CFAP46: variants seen among roughly 807,000 people sequenced by gnomAD.
CFAP46 encodes cilia- and flagella-associated protein 46.
A neutral mutation model predicts 325.7 loss-of-function variants in CFAP46; 245 were observed. That is an observed-to-expected ratio of 0.75 (90% CI 0.68 to 0.84). The LOEUF (loss-of-function observed/expected upper bound fraction) is 0.84. Ranked by LOEUF, CFAP46 falls within the 40% of genes least tolerant of loss-of-function variation. CFAP46 has a pLI of 0.00. For synonymous variants in CFAP46, 1,523 were observed against 1,495.9 expected, an observed-to-expected ratio of 1.02 and a Z score of -0.42; for missense variants, 3,346 against 3,543.0, an observed-to-expected ratio of 0.94 and a Z score of 1.41.
Position 132,836,887 on chromosome 10 carries a change from G to C in CFAP46, c.6466C>G (p.Gln2156Glu). Residue 2156 changes from glutamine to glutamate, a missense_variant, in exon 45 of 58, where the codon CAG becomes GAG. Transcript: ENST00000368586. ...KAWQNLCVTEQHFNLLNEMPP... is the reference protein window; with the variant it reads ...KAWQNLCVTEEHFNLLNEMPP... ...ATCTCATTCAAGAGGTTAAAATGCT[G>C]CTCAGTGACGCAGAGATTTTGCCAA... 6.2e-7 allele frequency: 1 copy of C among 1,613,922 alleles called. No homozygotes were observed. Among genetic ancestry groups the C allele is most frequent in the African/African-American group, 1.3e-5 (1 of 75,080 alleles).
At position 132,886,876 on chromosome 10, in the gene CFAP46, G is replaced by A. The variant is rs375668093; in HGVS notation, c.3305-917C>T. On this transcript the variant is annotated intron_variant, in intron 25 of 57. Transcript: ENST00000368586. This position sits in a 1 kb window ranked among gnomAD's most constrained non-coding sequence, Gnocchi z 5.8. Reference sequence around the variant, plus strand: ...GCCATGGCGACTAGAATGCTGACGCGTCCCCTCCCCGTCATGGGCGCTGCC... The same window carrying A: ...GCCATGGCGACTAGAATGCTGACGCATCCCCTCCCCGTCATGGGCGCTGCC... Among the ~76,000 whole-genome samples, 5 of 152,034 alleles carry A rather than the reference G, an allele frequency of 3.3e-5. No homozygotes were observed. In the South Asian group the frequency reaches 1.0e-3, roughly 32 times the overall value.
chr10:132,905,666 G>T (rs991672428), intron 22 of CFAP46, among the ~76,000 whole-genome samples: 2 of 152,190 alleles, frequency 1.3e-5, no homozygotes, highest in Non-Finnish European at 2.9e-5. Flanking sequence ...GCTTCAAGTG[G>T]TGGCTGCTGA....
chr10:132,875,980 G>A (rs892765619), intron 31 of CFAP46, among the ~76,000 whole-genome samples: 1 of 152,242 alleles, frequency 6.6e-6, no homozygotes, highest in Non-Finnish European at 1.5e-5. Context: ...GGCTGCTCAT[G>A]TGATTTTCCA....
In CFAP46 at chr10:132,908,557, G is replaced by A. The variant is rs1258363431; in HGVS notation, c.2835C>T (p.Phe945=). The A allele has an allele frequency of 7.7e-6, 12 of 1,550,324 alleles. No individual in the cohort carries two copies. Among genetic ancestry groups the A allele is most frequent in the Middle Eastern group, 1.7e-4 (1 of 6,012 alleles). Residue 945 remains phenylalanine (F), a synonymous_variant, in exon 22 of 58, where the codon TTC becomes TTT. Coordinates refer to ENST00000368586, the MANE Select transcript of CFAP46 (RefSeq NM_001200049.3). ...TCTCATGGTCACGCGCTGCATGGGC[G>A]AAGTGGGTCAGCCGCGTCAGGGTCT... ...ELQTLTRLTH[F]AHAARDHETT...
intron 38 of CFAP46, among the ~76,000 whole-genome samples, chr10:132,858,015 G>T (rs1334389282): frequency 6.6e-6 from 1 of 152,238 alleles, no homozygotes; most frequent in African/African-American, 2.4e-5. Flanking sequence ...GCTTGAAGGA[G>T]ATTTGCTGAA....
Position 132,808,810 on chromosome 10 carries a change from C to T in CFAP46, c.7759G>A (p.Ala2587Thr), listed in dbSNP as rs968073809. The change falls in exon 58 of 58, where the codon GCA becomes ACA. Residue 2587 changes from alanine (A) to threonine (T), a missense_variant. Transcript: ENST00000368586. The surrounding 1 kb of genome is among the most constrained non-coding windows in gnomAD (Gnocchi z 6.8). Reference protein sequence around the residue: ...HAQLGPVWAAAPSHRVVQAWT... With the variant: ...HAQLGPVWAATPSHRVVQAWT... ...GCCTGCACTACCCGATGGCTTGGTG[C>T]GGCAGCCCATACAGGACCAAGTTGA... 6.8e-6 allele frequency: 11 copies of T among 1,607,426 alleles called. No individual in the cohort carries two copies. Among genetic ancestry groups the T allele is most frequent in the East Asian group, 2.2e-5 (1 of 44,676 alleles).
chr10:132,885,573 A>G, intron 26 of CFAP46, among the ~76,000 whole-genome samples: 1 of 147,920 alleles, frequency 6.8e-6, no homozygotes, highest in Non-Finnish European at 1.5e-5. Flanking sequence ...AGAGGGGGAC[A>G]GCGTGGAGCA....
intron 31 of CFAP46, among the ~76,000 whole-genome samples, chr10:132,875,367 T>C (rs1309613899): frequency 6.6e-6 from 1 of 152,228 alleles, no homozygotes; most frequent in African/African-American, 2.4e-5. Context: ...CTACCAGGGT[T>C]TGTGATGGGT....
At chr10:132,862,759 G>A (rs1367086455) in intron 35 of CFAP46, among the ~76,000 whole-genome samples, 2 of 148,950 alleles carry the variant, frequency 1.3e-5, no homozygotes, top group Admixed American at 1.3e-4. Context: ...AGGGCAGAGC[G>A]CACTCCCATC....
chr10:132,921,799 C>T (rs530574332), intron 13 of CFAP46, among the ~76,000 whole-genome samples: 1 of 152,210 alleles, frequency 6.6e-6, no homozygotes, highest in Non-Finnish European at 1.5e-5. Flanking sequence ...GGGAATCAGC[C>T]CTGCCCACGC....
At chr10:132,915,587 T>A (rs189042361) in intron 17 of CFAP46, among the ~76,000 whole-genome samples, 142 of 147,444 alleles carry the variant, frequency 9.6e-4, no homozygotes, top group African/African-American at 3.4e-3. Flanking sequence ...GAGGGACCGG[T>A]GAGGGCGGGG....
At chr10:132,905,388 G>T (rs1260701011) in intron 22 of CFAP46, among the ~76,000 whole-genome samples, 1 of 151,492 alleles carries the variant, frequency 6.6e-6, no homozygotes, top group Non-Finnish European at 1.5e-5. Context: ...GTCCATCTGG[G>T]GACAGCTCTT....
rs774784098 is a variant in CFAP46, at chr10:132,919,408, G to C, written c.1765C>G (p.Arg589Gly). The C allele has an allele frequency of 1.9e-6, 3 of 1,549,982 alleles. No homozygotes were observed. The highest frequency in any genetic ancestry group is 4.9e-5 in the East Asian group (2 of 40,900). Reference protein sequence around the residue: ...QIWAELAKVARKQGVWDVCRT... With the variant: ...QIWAELAKVAGKQGVWDVCRT... Reference sequence around the variant, plus strand: ...CAGACGTCCCACACGCCTTGTTTCCGGGCCACTTTGGCCAGCTCTGCCCAA... The same window carrying C: ...CAGACGTCCCACACGCCTTGTTTCCCGGCCACTTTGGCCAGCTCTGCCCAA... The change falls in exon 15 of 58, where the codon CGG becomes GGG. Residue 589 changes from arginine to glycine, a missense_variant. Coordinates refer to ENST00000368586, the MANE Select transcript of CFAP46 (RefSeq NM_001200049.3). The surrounding 1 kb of genome is among the most constrained non-coding windows in gnomAD (Gnocchi z 9.7).
chr10:132,938,599 C>T lies in CFAP46; in HGVS notation c.526G>A (p.Glu176Lys), dbSNP rs758580033. The change falls in exon 5 of 58, where the codon GAG (glutamate) becomes AAG (lysine). Residue 176 changes from glutamate (E) to lysine (K), a missense_variant. Physicochemically the swap from Glu to Lys is moderately conservative, Grantham distance 56. Transcript: ENST00000368586. ...GCGAGCTCAACTCACAGCATCAGCTCAGCACGCCACTCCTTGTCTTCCTCC... is the reference window on the plus strand; with the variant it reads ...GCGAGCTCAACTCACAGCATCAGCTTAGCACGCCACTCCTTGTCTTCCTCC... ...TEEEDKEWRA[E>K]LMLELLECYL... 6.2e-7 allele frequency: 1 copy of T among 1,613,186 alleles called. No individual in the cohort carries two copies. Among genetic ancestry groups the T allele is most frequent in the East Asian group, 2.2e-5 (1 of 44,862 alleles).
chr10:132,845,585 T>C (rs1429276344), intron 44 of CFAP46, among the ~76,000 whole-genome samples: 1 of 152,244 alleles, frequency 6.6e-6, no homozygotes, highest in Non-Finnish European at 1.5e-5. Context: ...GTCTTTTTTC[T>C]TTAAATACTG....
At chr10:132,922,028 G>C in intron 13 of CFAP46, 76 bp downstream of exon 13, 26 of 1,487,838 alleles carry the variant, frequency 1.7e-5, no homozygotes, top group Non-Finnish European at 2.3e-5. Flanking sequence ...ATGGGGACTG[G>C]GGAGGCCCCG....
chr10:132,824,396 CTGA>C (rs1270378258), intron 50 of CFAP46, among the ~76,000 whole-genome samples: 91 of 110,470 alleles, frequency 8.2e-4, no homozygotes, highest in South Asian at 8.1e-3. Context: ...GCTGTGTGTG[CTGA>C]TGTGTGTTTT....
At chr10:132,908,948 G>T (rs1349434497) in intron 21 of CFAP46, among the ~76,000 whole-genome samples, 189 bp downstream of exon 21, 2 of 152,246 alleles carry the variant, frequency 1.3e-5, no homozygotes, top group African/African-American at 4.8e-5. Flanking sequence ...CCAGGAGACA[G>T]GGATGCTCTG....
intron 13 of CFAP46, among the ~76,000 whole-genome samples, chr10:132,920,819 T>C (rs1849711779): frequency 1.3e-5 from 2 of 152,176 alleles, no homozygotes; most frequent in South Asian, 4.1e-4. Flanking sequence ...CACCTCCTGC[T>C]GGGTGTAGGT....
Sources: gnomAD v4.1 joint callset for allele counts (sites outside exome capture counted in the v4.1 genomes callset) on GRCh38, gnomAD v4.1.1 for gene constraint, Gnocchi (gnomAD v3.1) non-coding constraint, MANE v1.5 for transcripts, NCBI Gene and HGNC (gene_info 2026-07-23, HGNC 2026-07-21) for gene names.